Variants in ANKMY1 observed in about 807,000 individuals in gnomAD.
The protein encoded by ANKMY1 is ankyrin repeat and MYND domain-containing protein 1.
ANKMY1 carries 98 observed loss-of-function variants against 102.0 expected under a neutral mutation model. The ratio of observed to expected loss-of-function variants is 0.96; its 90% confidence interval spans 0.82 to 1.14. The LOEUF (loss-of-function observed/expected upper bound fraction) is 1.14, where lower values mean the gene tolerates loss of function less well. Ranked by LOEUF, ANKMY1 falls within the 50% of genes most tolerant of loss-of-function variation. ANKMY1 has a pLI of 0.00. For missense variants in ANKMY1, 1,330 were observed against 1,347.6 expected (o/e 0.99, Z 0.20); for synonymous variants, 582 against 559.9 (o/e 1.04, Z -0.56).
intron 12 of ANKMY1, among the ~76,000 whole-genome samples, chr2:240,508,780 ATG>A (rs2079551267): frequency 6.6e-6 from 1 of 152,124 alleles, no homozygotes; most frequent in African/African-American, 2.4e-5. Context: ...GAATGAATGA[ATG>A]AATGGGTGGA....
intron 4 of ANKMY1, among the ~76,000 whole-genome samples, chr2:240,533,751 A>ACT (rs1413150375): frequency 4.7e-5 from 7 of 147,480 alleles, no homozygotes; most frequent in African/African-American, 1.7e-4. Flanking sequence ...ACACACACAC[A>ACT]CACACTTTTT....
Position 240,482,230 on chromosome 2 carries a change from C to T in ANKMY1, c.2838G>A (p.Lys946=), listed in dbSNP as rs779754517. Residue 946 remains lysine (K), a synonymous_variant, in exon 16 of 18, where the codon AAG becomes AAA. Coordinates refer to ENST00000401804, the MANE Select transcript of ANKMY1 (RefSeq NM_001282771.3). Reference sequence around the variant, plus strand: ...GGCCCCTGGGCAGGCTGGGGCCCTTCTTCTTCATCCTGTGGCTGGGGATCA... The same window carrying T: ...GGCCCCTGGGCAGGCTGGGGCCCTTTTTCTTCATCCTGTGGCTGGGGATCA... The part of the protein sequence containing the change: ...AELIPSHRMK[K]KGPSLPRGLD... The T allele has an allele frequency of 2.5e-6, 4 of 1,612,806 alleles. No homozygotes were observed. In the Admixed American group the frequency reaches 6.7e-5, roughly 27 times the overall value.
downstream of ANKMY1, among the ~76,000 whole-genome samples, chr2:240,476,440 A>C (rs2074861018): frequency 6.6e-6 from 1 of 152,254 alleles, no homozygotes; most frequent in Non-Finnish European, 1.5e-5. Context: ...GATAATTGCT[A>C]AGTCCCAACG....
chr2:240,516,733 T>A (rs1017510549), intron 9 of ANKMY1, among the ~76,000 whole-genome samples: 1 of 152,216 alleles, frequency 6.6e-6, no homozygotes, highest in African/African-American at 2.4e-5. Flanking sequence ...TGAATGCATG[T>A]TTCTGATAAC....
At chr2:240,557,052 C>T in intron 2 of ANKMY1, 138 bp downstream of exon 2, 2 of 1,023,884 alleles carry the variant, frequency 2.0e-6, no homozygotes, top group South Asian at 2.9e-5. Context: ...AGTGTTGAGG[C>T]TTTCAGATTT....
At chr2:240,485,602 C>A (rs1012030304) in intron 15 of ANKMY1, among the ~76,000 whole-genome samples, 1 of 138,770 alleles carries the variant, frequency 7.2e-6, no homozygotes, top group African/African-American at 2.7e-5. Flanking sequence ...TTTTTCTTTT[C>A]TTTTTGAGAC....
Position 240,557,303 on chromosome 2 carries a change from C to T in ANKMY1, c.33G>A (p.Glu11=), listed in dbSNP as rs1432268629. ...GGCTGCCAGCCCCAGAGACTTCGTC[C>T]TCTAAGCTAAGGGAGGCATGGGCCC... The part of the protein sequence containing the change: MEGAHASLSL[E]DEVSGAGSRQ... Residue 11 remains glutamate (E), a synonymous_variant, in exon 2 of 18, where the codon GAG becomes GAA. Coordinates refer to ENST00000401804, the MANE Select transcript of ANKMY1 (RefSeq NM_001282771.3). 1 of 1,588,562 alleles carries T rather than the reference C, an allele frequency of 6.3e-7. No homozygotes were observed. Among genetic ancestry groups the T allele is most frequent in the Admixed American group, 1.7e-5 (1 of 57,208 alleles).
chr2:240,543,356 A>C (rs895930912), intron 4 of ANKMY1, among the ~76,000 whole-genome samples: 2 of 151,872 alleles, frequency 1.3e-5, no homozygotes, highest in African/African-American at 4.8e-5. Flanking sequence ...CTTTCTCAAA[A>C]AAAAAAAAAA....
At chr2:240,514,621 TC>T (rs1424049556) in intron 9 of ANKMY1, among the ~76,000 whole-genome samples, 1 of 152,142 alleles carries the variant, frequency 6.6e-6, no homozygotes, top group Non-Finnish European at 1.5e-5. Context: ...CCACCACGGA[TC>T]CTCTCCACGA....
intron 1 of ANKMY1, 113 bp from the exon 2 acceptor site, chr2:240,557,465 C>G (rs1285842675): frequency 7.9e-7 from 1 of 1,271,526 alleles, no homozygotes; most frequent in Non-Finnish European, 1.0e-6. Context: ...AAGCCCCTCC[C>G]TGAACCGCGC....
intron 4 of ANKMY1, among the ~76,000 whole-genome samples, chr2:240,546,229 T>G: frequency 6.6e-6 from 1 of 151,662 alleles, no homozygotes; most frequent in Non-Finnish European, 1.5e-5. Context: ...GAAAAGAATT[T>G]TCAACCCAGA....
intron 13 of ANKMY1, among the ~76,000 whole-genome samples, chr2:240,502,849 C>G (rs978973185): frequency 6.6e-6 from 1 of 151,316 alleles, no homozygotes; most frequent in African/African-American, 2.4e-5. Context: ...CACATCTGAA[C>G]TATGACATCA....
At chr2:240,526,723 A>G (rs2152388046) in intron 5 of ANKMY1, 2 of 1,357,910 alleles carry the variant, frequency 1.5e-6, no homozygotes, top group East Asian at 3.0e-5. Context: ...ACATCCATGC[A>G]TCTCTGATTC....
chr2:240,550,409 T>G (rs751279401), intron 4 of ANKMY1, among the ~76,000 whole-genome samples: 3 of 151,248 alleles, frequency 2.0e-5, no homozygotes, highest in Non-Finnish European at 4.4e-5. Flanking sequence ...ATATACCTAA[T>G]GCTAGATGAC....
upstream of ANKMY1, chr2:240,558,173 CCCCTGGG>C (rs1320097976): frequency 6.1e-6 from 1 of 163,848 alleles, no homozygotes; most frequent in East Asian, 1.9e-4. Context: ...ACCCGGTCAG[CCCCTGGG>C]CCGAGTACCC....
Position 240,529,351 on chromosome 2 carries a change from G to A in ANKMY1, c.639C>T (p.Phe213=). 6.2e-7 allele frequency: 1 copy of A among 1,614,218 alleles called. No homozygotes were observed. The highest frequency in any genetic ancestry group is 8.5e-7 in the Non-Finnish European group (1 of 1,180,028). ...SLLRYPEFSS[F]ITHSPARISL... The stretch of plus-strand genomic sequence containing the variant: ...TGATCCTGGCAGGGCTGTGGGTGAT[G>A]AAGCTGGAGAACTCAGGGTATCTGA... The change falls in exon 5 of 18, where the codon TTC becomes TTT. Residue 213 remains phenylalanine (F), a synonymous_variant. Coordinates refer to ENST00000401804, the MANE Select transcript of ANKMY1 (RefSeq NM_001282771.3). The surrounding 1 kb of genome is among the most constrained non-coding windows in gnomAD (Gnocchi z 4.2).
chr2:240,506,301 C>A lies in ANKMY1; in HGVS notation c.2526+1259G>T, dbSNP rs187551478. On this transcript the variant is annotated intron_variant, in intron 13 of 17. Transcript: ENST00000401804. This position sits in a 1 kb window ranked among gnomAD's most constrained non-coding sequence, Gnocchi z 4.9. Reference sequence around the variant, plus strand: ...AGACTTAGATGAACAAGAGACTGGTCATCAATCCTGGGCCCTATGAAGCTC... The same window carrying A: ...AGACTTAGATGAACAAGAGACTGGTAATCAATCCTGGGCCCTATGAAGCTC... Among the ~76,000 whole-genome samples the A allele has an allele frequency of 5.3e-5, 8 of 152,336 alleles. No homozygotes were observed. Among genetic ancestry groups the A allele is most frequent in the African/African-American group, 1.9e-4 (8 of 41,588 alleles).
chr2:240,527,510 CAATGTTGCGTGAGTATACTGA>C (rs2083893515), intron 5 of ANKMY1: 7 of 5,434 alleles, frequency 1.3e-3, no homozygotes, highest in Non-Finnish European at 2.0e-3. Flanking sequence ...GTGGGTGGAT[CAATGTTGCGTGAGTATACTGA>C]TGGATGAATG....
chr2:240,472,491 C>T, the ANKMY1 span, among the ~76,000 whole-genome samples: 3 of 152,232 alleles, frequency 2.0e-5, no homozygotes, highest in African/African-American at 4.8e-5. Context: ...CTTTTAACCA[C>T]AGTCTGGGGT....
Sources: allele counts gnomAD v4.1 joint callset (sites outside exome capture counted in the v4.1 genomes callset), GRCh38; gene constraint gnomAD v4.1.1; non-coding constraint Gnocchi (gnomAD v3.1); transcripts MANE v1.5; gene names NCBI Gene and HGNC (gene_info 2026-07-23, HGNC 2026-07-21).